The following NBAS variants were observed in gnomAD, a reference collection of about 807,000 sequenced individuals.
NBAS encodes the protein NAG/BC035112 fusion.
Under a neutral mutation model 302.5 loss-of-function variants are expected in NBAS, and 219 were observed. The observed-to-expected ratio is 0.72, with a 90% confidence interval of 0.65 to 0.81. NBAS has a LOEUF of 0.81. Ranked by LOEUF, NBAS falls within the 30% of genes least tolerant of loss-of-function variation. The pLI, the probability that NBAS is intolerant of heterozygous loss-of-function variation, is 0.00. For synonymous variants in NBAS, 1,118 were observed against 1,021.6 expected, an observed-to-expected ratio of 1.09 and a Z score of -1.80; for missense variants, 2,932 against 2,841.6, an observed-to-expected ratio of 1.03 and a Z score of -0.72.
chr2:15,167,285 C>G lies in NBAS; in HGVS notation c.6879G>C (p.Leu2293=). 1 of 1,614,218 alleles carries G rather than the reference C, an allele frequency of 6.2e-7. No individual in the cohort carries two copies. Among genetic ancestry groups the G allele is most frequent in the South Asian group, 1.1e-5 (1 of 91,082 alleles). Residue 2293 remains leucine (L), a synonymous_variant, in exon 52 of 52, where the codon CTG becomes CTC. Transcript: ENST00000281513. ...DSNCDQELLS[L]LLDAKLLVKC... The stretch of plus-strand genomic sequence containing the variant: ...TCACCAGCAGCTTGGCATCCAGGAG[C>G]AGGGAAAGAAGTTCTTGGTCACAAT...
the NBAS span, among the ~76,000 whole-genome samples, chr2:14,862,644 T>C: frequency 6.6e-6 from 1 of 152,222 alleles, no homozygotes; most frequent in African/African-American, 2.4e-5. Flanking sequence ...TTAAATAAGA[T>C]AGCACATGTA....
At chr2:15,134,496 C>T in the NBAS span, among the ~76,000 whole-genome samples, 1,342 of 152,236 alleles carry the variant, frequency 8.8e-3, 21 homozygotes, top group African/African-American at 0.031. Flanking sequence ...CACACACACA[C>T]CCCTCTAAAG....
intron 1 of NBAS, among the ~76,000 whole-genome samples, chr2:15,559,356 G>A (rs1664802868): frequency 6.6e-6 from 1 of 152,150 alleles, no homozygotes. Context: ...TATCTATACA[G>A]ACAATGCTAC....
At chr2:15,141,897 A>T in the NBAS span, among the ~76,000 whole-genome samples, 1 of 152,202 alleles carries the variant, frequency 6.6e-6, no homozygotes, top group Non-Finnish European at 1.5e-5. Context: ...TTATGTCTGT[A>T]CGGGTTTTGT....
intron 12 of NBAS, among the ~76,000 whole-genome samples, chr2:15,488,495 G>C (rs906993948): frequency 6.6e-6 from 1 of 152,090 alleles, no homozygotes; most frequent in Non-Finnish European, 1.5e-5. Flanking sequence ...CCTTCAAGGA[G>C]GCCCCAAATA....
intron 44 of NBAS, among the ~76,000 whole-genome samples, chr2:15,242,694 T>G (rs910607181): frequency 6.6e-6 from 1 of 151,874 alleles, no homozygotes; most frequent in African/African-American, 2.4e-5. Flanking sequence ...GGTACCATTA[T>G]TCTTAACATT....
At chr2:14,863,371 G>A in the NBAS span, among the ~76,000 whole-genome samples, 2 of 152,194 alleles carry the variant, frequency 1.3e-5, no homozygotes, top group Admixed American at 1.3e-4. Flanking sequence ...TGGGTAGGCA[G>A]TGGAAAGTTA....
chr2:15,064,449 T>C, the NBAS span, among the ~76,000 whole-genome samples: 4 of 152,004 alleles, frequency 2.6e-5, no homozygotes, highest in East Asian at 3.9e-4. Flanking sequence ...ACATATAATC[T>C]ACCAAGACTG....
At chr2:15,259,908 G>A (rs1363091498) in intron 44 of NBAS, among the ~76,000 whole-genome samples, 5 of 151,830 alleles carry the variant, frequency 3.3e-5, no homozygotes, top group African/African-American at 4.8e-5. Flanking sequence ...GCAGTAGTTA[G>A]TACTTAAGAA....
chr2:14,947,937 G>C, the NBAS span, among the ~76,000 whole-genome samples: 1 of 151,730 alleles, frequency 6.6e-6, no homozygotes, highest in African/African-American at 2.4e-5. Flanking sequence ...ATTTGCATAT[G>C]TTGAACCATT....
At chr2:15,074,397 G>T in the NBAS span, among the ~76,000 whole-genome samples, 83 of 143,748 alleles carry the variant, frequency 5.8e-4, no homozygotes, top group East Asian at 0.012. Flanking sequence ...ATGGAAGGAG[G>T]GGGGGAGGGA....
the NBAS span, among the ~76,000 whole-genome samples, chr2:15,105,125 G>C: frequency 5.6e-4 from 85 of 152,184 alleles, no homozygotes; most frequent in Non-Finnish European, 1.0e-3. Context: ...AGATGAAGCT[G>C]GAAACCATCA....
At chr2:15,560,858 T>A (rs1056587150) in intron 1 of NBAS, among the ~76,000 whole-genome samples, 10 of 152,078 alleles carry the variant, frequency 6.6e-5, no homozygotes, top group African/African-American at 2.4e-4. Flanking sequence ...CTTCCCCTCC[T>A]AATACAGAGA....
the NBAS span, among the ~76,000 whole-genome samples, chr2:14,831,022 C>T: frequency 9.2e-5 from 14 of 152,276 alleles, no homozygotes; most frequent in Admixed American, 2.6e-4. Flanking sequence ...CCATTGCCCA[C>T]GGCCTGGAAG....
intron 45 of NBAS, among the ~76,000 whole-genome samples, chr2:15,238,256 G>T (rs929712595): frequency 6.6e-6 from 1 of 151,798 alleles, no homozygotes; most frequent in African/African-American, 2.4e-5. Context: ...CATATCAACG[G>T]TGCCAAGTGG....
the NBAS span, among the ~76,000 whole-genome samples, chr2:14,841,720 T>C: frequency 6.6e-6 from 1 of 151,920 alleles, no homozygotes; most frequent in Non-Finnish European, 1.5e-5. Flanking sequence ...CAGGGAGGGA[T>C]AGACTGCAAT....
chr2:15,012,860 GA>G, the NBAS span, among the ~76,000 whole-genome samples: 1 of 151,568 alleles, frequency 6.6e-6, no homozygotes, highest in Non-Finnish European at 1.5e-5. Context: ...AAAAACTATG[GA>G]ATTTTTTTTT....
At chr2:15,393,589 T>A in intron 28 of NBAS, 1 of 348,628 alleles carries the variant, frequency 2.9e-6, no homozygotes, top group Non-Finnish European at 5.9e-6. Flanking sequence ...TGCCATTTCA[T>A]CCTTAGGTAT....
chr2:15,144,046 A>ATATATAT, the NBAS span, among the ~76,000 whole-genome samples: 1,892 of 104,148 alleles, frequency 0.018, 128 homozygotes, highest in Middle Eastern at 0.038. Context: ...CCTATATATA[A>ATATATAT]AAATATATAT....
Sources: gnomAD v4.1 joint callset for allele counts (sites outside exome capture counted in the v4.1 genomes callset) on GRCh38, gnomAD v4.1.1 for gene constraint, MANE v1.5 for transcripts, NCBI Gene and HGNC (gene_info 2026-07-23, HGNC 2026-07-21) for gene names.